The following NOL4 variants were observed in gnomAD, a reference collection of about 807,000 sequenced individuals.
The protein encoded by NOL4 is nucleolar protein 4, also known as cancer/testis antigen 125.
In NOL4, 17 loss-of-function variants were observed where a neutral mutation model predicts 75.9. The ratio of observed to expected loss-of-function variants is 0.22; its 90% CI spans 0.15 to 0.34. The LOEUF (loss-of-function observed/expected upper bound fraction) is 0.34. Among genes scored for constraint, NOL4 ranks in the 10% least tolerant of loss-of-function variants. NOL4 has a pLI of 1.00. For missense variants in NOL4, 614 were observed against 793.5 expected, an observed-to-expected ratio of 0.77 and a Z score of 2.72; for synonymous variants, 292 against 289.9, an observed-to-expected ratio of 1.01 and a Z score of -0.07.
chr18:33,984,513 C>A (rs929297465), intron 6 of NOL4, among the ~76,000 whole-genome samples: 7 of 152,092 alleles, frequency 4.6e-5, no homozygotes, highest in Admixed American at 1.3e-4. Context: ...CATGGTTTAA[C>A]ACCATTCCCC....
chr18:34,052,038 T>C (rs778273500), intron 5 of NOL4, among the ~76,000 whole-genome samples: 4 of 152,004 alleles, frequency 2.6e-5, no homozygotes, highest in Non-Finnish European at 5.9e-5. Flanking sequence ...GAGGGAGTAG[T>C]AAAAATCTAA....
chr18:33,870,717 T>C (rs572455030), intron 10 of NOL4, among the ~76,000 whole-genome samples: 5 of 152,142 alleles, frequency 3.3e-5, no homozygotes, highest in African/African-American at 1.2e-4. Flanking sequence ...AAAAAATTCT[T>C]GTAATATTGT....
intron 9 of NOL4, among the ~76,000 whole-genome samples, chr18:33,885,933 G>C (rs529177359): frequency 6.6e-6 from 1 of 152,224 alleles, no homozygotes; most frequent in African/African-American, 2.4e-5. Flanking sequence ...GTCCATCAAA[G>C]GATGAATGAA....
At chr18:33,901,297 T>C (rs2065736196) in intron 9 of NOL4, among the ~76,000 whole-genome samples, 1 of 152,114 alleles carries the variant, frequency 6.6e-6, no homozygotes, top group East Asian at 1.9e-4. Context: ...CTGAATCATC[T>C]GAGTTATTGG....
intron 6 of NOL4, among the ~76,000 whole-genome samples, chr18:34,007,612 CTGTCT>C (rs1444588128): frequency 6.6e-6 from 1 of 151,788 alleles, no homozygotes; most frequent in Non-Finnish European, 1.5e-5. Context: ...GTTTTCTTTC[CTGTCT>C]TATTTCCTTC....
chr18:33,907,303 G>A lies in NOL4; in HGVS notation c.1543-23879C>T, dbSNP rs575275312. ...GCCTCCACTGCACTCCAGCCTGGGC[G>A]ACAGAGCGAGACTCCATTTCAAAAA... On this transcript the variant is annotated intron_variant, in intron 9 of 10. Transcript: ENST00000261592. Among the ~76,000 whole-genome samples, 11 of 125,490 alleles carry A rather than the reference G, an allele frequency of 8.8e-5. No homozygotes were observed. In the South Asian group the frequency reaches 1.0e-3, roughly 12 times the overall value. 82.3% of individuals were successfully genotyped at this position (125,490 alleles called of 152,430 possible).
chr18:33,987,917 G>A (rs1451202495), intron 6 of NOL4, among the ~76,000 whole-genome samples: 1 of 151,992 alleles, frequency 6.6e-6, no homozygotes, highest in East Asian at 1.9e-4. Flanking sequence ...AGCGGAGCTT[G>A]GTGAAGTGAA....
chr18:34,019,254 A>G (rs1366344817), intron 6 of NOL4, 64 bp downstream of exon 6: 1 of 1,344,100 alleles, frequency 7.4e-7, no homozygotes, highest in African/African-American at 1.4e-5. Context: ...TGCTATATGC[A>G]TAGGTATTTT....
intron 9 of NOL4, among the ~76,000 whole-genome samples, chr18:33,892,240 G>C (rs1020361788): frequency 1.3e-5 from 2 of 151,884 alleles, no homozygotes; most frequent in Non-Finnish European, 2.9e-5. Context: ...ACCACCCTGG[G>C]CAACAAAGCA....
chr18:34,060,443 C>T (rs1232184673), intron 5 of NOL4, among the ~76,000 whole-genome samples: 1 of 152,198 alleles, frequency 6.6e-6, no homozygotes, highest in African/African-American at 2.4e-5. Context: ...CATGGCCTAA[C>T]TTCCTCATAA....
At chr18:34,191,038 A>T (rs1297911014) in intron 1 of NOL4, among the ~76,000 whole-genome samples, 1 of 152,090 alleles carries the variant, frequency 6.6e-6, no homozygotes, top group Non-Finnish European at 1.5e-5. Flanking sequence ...AAGCAAATAA[A>T]CTTTAGTTTG....
At chr18:33,913,543 A>G (rs2066533754) in intron 9 of NOL4, among the ~76,000 whole-genome samples, 1 of 152,132 alleles carries the variant, frequency 6.6e-6, no homozygotes, top group South Asian at 2.1e-4. Flanking sequence ...TCACAAAGAA[A>G]ATGAGGTGAG....
Position 34,137,995 on chromosome 18 carries a change from A to C in NOL4, c.265-7975T>G, listed in dbSNP as rs1454111961. Among the ~76,000 whole-genome samples, 6 of 152,298 alleles carry C rather than the reference A, an allele frequency of 3.9e-5. 1 individual carries two copies. In the East Asian group the frequency reaches 5.8e-4, roughly 15 times the overall value. ...TATCTTTCTACCATAAAGAGAAATA[A>C]GTACTGATTCATCCATGGATAAACC... On this transcript the variant is annotated intron_variant, in intron 1 of 10. Coordinates refer to ENST00000261592, the MANE Select transcript of NOL4 (RefSeq NM_003787.5).
chr18:33,993,158 C>T (rs932091718), intron 6 of NOL4, among the ~76,000 whole-genome samples: 28 of 151,940 alleles, frequency 1.8e-4, no homozygotes, highest in Admixed American at 3.9e-4. Flanking sequence ...CCTTCAAAGG[C>T]ACCTGAGTTT....
intron 5 of NOL4, among the ~76,000 whole-genome samples, chr18:34,093,158 A>G (rs902842992): frequency 3.3e-5 from 5 of 152,218 alleles, no homozygotes; most frequent in African/African-American, 1.2e-4. Flanking sequence ...AAGCTAGAAA[A>G]TATCACAGAA....
chr18:34,112,699 T>C (rs771265764), intron 2 of NOL4, among the ~76,000 whole-genome samples: 13 of 152,138 alleles, frequency 8.5e-5, no homozygotes, highest in African/African-American at 3.1e-4. Context: ...TTCCAGTGGC[T>C]GGAGGGTGAG....
intron 4 of NOL4, among the ~76,000 whole-genome samples, chr18:34,096,765 A>C (rs1435139110): frequency 6.6e-6 from 1 of 152,174 alleles, no homozygotes; most frequent in Non-Finnish European, 1.5e-5. Context: ...TAATGTTTTA[A>C]TATTAGAACA....
At chr18:34,199,034 G>A (rs907823348) in intron 1 of NOL4, among the ~76,000 whole-genome samples, 1 of 151,662 alleles carries the variant, frequency 6.6e-6, no homozygotes, top group African/African-American at 2.4e-5. Context: ...CTTCATGATT[G>A]CATTGCTATT....
In NOL4 at chr18:34,075,345, C is replaced by T. The variant is rs560413765; in HGVS notation, c.772+18120G>A. Among the ~76,000 whole-genome samples the T allele has an allele frequency of 2.6e-5, 4 of 152,100 alleles. No individual in the cohort carries two copies. In the East Asian group the frequency reaches 7.7e-4, roughly 29 times the overall value. ...ATGTACATTGAACAATTTTATTAAC[C>T]TTTGTGGGTGTGTGTGAGAGAATCT... On this transcript the variant is annotated intron_variant, in intron 5 of 10. Coordinates refer to ENST00000261592, the MANE Select transcript of NOL4 (RefSeq NM_003787.5).
Sources: gnomAD v4.1 joint callset for allele counts (sites outside exome capture counted in the v4.1 genomes callset) on GRCh38, gnomAD v4.1.1 for gene constraint, MANE v1.5 for transcripts, NCBI Gene and HGNC (gene_info 2026-07-23, HGNC 2026-07-21) for gene names.